CD2AP: variants seen among roughly 807,000 people sequenced by gnomAD.
CD2AP encodes the protein CD2-associated protein.
In CD2AP, 46 loss-of-function variants were observed where a neutral mutation model predicts 85.1. That is an observed-to-expected ratio of 0.54 (90% CI 0.43 to 0.69). CD2AP has a LOEUF of 0.69. Among genes scored for constraint, CD2AP ranks in the 30% least tolerant of loss-of-function variants. The pLI is 0.00. For missense variants in CD2AP, 769 were observed against 729.5 expected, an observed-to-expected ratio of 1.05 and a Z score of -0.62; for synonymous variants, 255 against 252.9, an observed-to-expected ratio of 1.01 and a Z score of -0.08.
intron 1 of CD2AP, among the ~76,000 whole-genome samples, chr6:47,501,400 G>A (rs12523687): frequency 0.077 from 11,701 of 152,182 alleles, 464 homozygotes; most frequent in South Asian, 0.13. Flanking sequence ...TTTAAACAAG[G>A]TTTTTCAGCT....
At chr6:47,594,627 T>C (rs1768891084) in intron 11 of CD2AP, among the ~76,000 whole-genome samples, 2 of 152,042 alleles carry the variant, frequency 1.3e-5, no homozygotes, top group Admixed American at 6.6e-5. Context: ...TATTTCGTTA[T>C]TGATTTCAAT....
chr6:47,526,866 G>C (rs1766742691), intron 2 of CD2AP, among the ~76,000 whole-genome samples: 1 of 152,086 alleles, frequency 6.6e-6, no homozygotes, highest in Non-Finnish European at 1.5e-5. Context: ...AGTACTCTTT[G>C]GCATGTTGAG....
Position 47,478,259 on chromosome 6 carries a change from C to T in CD2AP, c.4+11C>T, listed in dbSNP as rs751438191. On this transcript the variant is annotated intron_variant, in intron 1 of 17. Transcript: ENST00000359314. Reference sequence around the variant, plus strand: ...GAGCCCCCAGCATGGGTAAGAGACTCGGGCGCTTCCCGCCGCCCGTCCGGA... The same window carrying T: ...GAGCCCCCAGCATGGGTAAGAGACTTGGGCGCTTCCCGCCGCCCGTCCGGA... 4.5e-6 allele frequency: 7 copies of T among 1,570,004 alleles called. No individual in the cohort carries two copies. The highest frequency in any genetic ancestry group is 2.4e-5 in the East Asian group (1 of 42,486).
chr6:47,479,830 T>G (rs1278883186), intron 1 of CD2AP, among the ~76,000 whole-genome samples: 1 of 152,182 alleles, frequency 6.6e-6, no homozygotes, highest in Non-Finnish European at 1.5e-5. Flanking sequence ...CTTTTTTTTT[T>G]TGCTTTGCTT....
chr6:47,583,476 A>C (rs1186505281), intron 11 of CD2AP, among the ~76,000 whole-genome samples: 1 of 152,000 alleles, frequency 6.6e-6, no homozygotes, highest in Non-Finnish European at 1.5e-5. Context: ...ATGACTCCAT[A>C]GTTTTGCCTT....
rs9369715 is a variant in CD2AP, at chr6:47,573,761, T to G, written c.542-303T>G. On this transcript the variant is annotated intron_variant, in intron 5 of 17. Transcript: ENST00000359314. ...GTCTCAGCCTCCCAGAGTGCTGGGATTACAGACGTGAGCCACCACAACATG... is the reference window on the plus strand; with the variant it reads ...GTCTCAGCCTCCCAGAGTGCTGGGAGTACAGACGTGAGCCACCACAACATG... Among the ~76,000 whole-genome samples the G allele has an allele frequency of 0.6, 91,676 of 151,800 alleles. 28,511 individuals are homozygous for G. The highest frequency in any genetic ancestry group is 0.74 in the Middle Eastern group (216 of 290).
At chr6:47,505,586 C>G (rs1470848215) in intron 2 of CD2AP, among the ~76,000 whole-genome samples, 1 of 141,744 alleles carries the variant, frequency 7.1e-6, no homozygotes. Flanking sequence ...AGGCGCCCCT[C>G]ACCTCCCGGA....
intron 2 of CD2AP, among the ~76,000 whole-genome samples, chr6:47,514,395 A>G (rs747102783): frequency 2.0e-5 from 3 of 152,218 alleles, no homozygotes; most frequent in Non-Finnish European, 4.4e-5. Context: ...CTTAGCAGAT[A>G]TTACTACATT....
At chr6:47,509,109 A>AT (rs2113990187) in intron 2 of CD2AP, among the ~76,000 whole-genome samples, 1 of 152,208 alleles carries the variant, frequency 6.6e-6, no homozygotes, top group East Asian at 1.9e-4. Flanking sequence ...AATTAGTCTG[A>AT]TTTCAGTATC....
chr6:47,482,463 C>T (rs534911158), intron 1 of CD2AP, among the ~76,000 whole-genome samples: 2 of 151,050 alleles, frequency 1.3e-5, no homozygotes, highest in African/African-American at 4.9e-5. Flanking sequence ...ACTGCAACCT[C>T]CGCCTCCCGG....
intron 2 of CD2AP, among the ~76,000 whole-genome samples, chr6:47,505,614 CG>C (rs1162276194): frequency 0.15 from 6,711 of 45,732 alleles, 144 homozygotes; most frequent in Middle Eastern, 0.19. Context: ...GCTGGCCGGG[CG>C]GGGGGGGCTG....
intron 1 of CD2AP, among the ~76,000 whole-genome samples, chr6:47,486,674 T>C (rs893251258): frequency 9.2e-5 from 14 of 152,206 alleles, no homozygotes; most frequent in Non-Finnish European, 1.5e-4. Context: ...TACTTTTACC[T>C]GAAATATTAA....
intron 5 of CD2AP, among the ~76,000 whole-genome samples, chr6:47,569,759 A>G (rs1175943741): frequency 1.3e-5 from 2 of 152,136 alleles, no homozygotes; most frequent in Non-Finnish European, 2.9e-5. Context: ...CAAAGATAGT[A>G]GATAGAAATT....
intron 1 of CD2AP, among the ~76,000 whole-genome samples, 165 bp from the exon 2 acceptor site, chr6:47,503,115 G>A (rs917636985): frequency 1.7e-4 from 26 of 152,176 alleles, no homozygotes; most frequent in Non-Finnish European, 3.1e-4. Context: ...CAAGAAATTT[G>A]CTGATGTAGC....
At chr6:47,524,613 T>TC (rs923550375) in intron 2 of CD2AP, among the ~76,000 whole-genome samples, 25 of 133,082 alleles carry the variant, frequency 1.9e-4, no homozygotes, top group Non-Finnish European at 4.4e-4. Context: ...CTTAAGTGTT[T>TC]TTTTTTCCAC....
At chr6:47,600,961 T>C (rs1170648446) in intron 13 of CD2AP, among the ~76,000 whole-genome samples, 1 of 151,864 alleles carries the variant, frequency 6.6e-6, no homozygotes, top group African/African-American at 2.4e-5. Context: ...CCTTTGGGAA[T>C]TGAAGGAGTA....
intron 5 of CD2AP, among the ~76,000 whole-genome samples, chr6:47,563,864 T>C (rs1767925280): frequency 6.6e-6 from 1 of 152,158 alleles, no homozygotes; most frequent in Non-Finnish European, 1.5e-5. Flanking sequence ...CTTGTAAAAA[T>C]TCTAAATTTT....
At chr6:47,602,609 G>C (rs1360169499) in intron 13 of CD2AP, among the ~76,000 whole-genome samples, 1 of 151,540 alleles carries the variant, frequency 6.6e-6, no homozygotes, top group African/African-American at 2.4e-5. Context: ...TTTCATGCCT[G>C]TGATCACAGC....
At chr6:47,596,209 A>G (rs1768942565) in intron 12 of CD2AP, among the ~76,000 whole-genome samples, 183 bp downstream of exon 12, 1 of 152,148 alleles carries the variant, frequency 6.6e-6, no homozygotes, top group Non-Finnish European at 1.5e-5. Context: ...AAGCGTATAT[A>G]TAATTCATTG....
Sources: allele counts gnomAD v4.1 joint callset (sites outside exome capture counted in the v4.1 genomes callset), GRCh38; gene constraint gnomAD v4.1.1; transcripts MANE v1.5; gene names NCBI Gene and HGNC (gene_info 2026-07-23, HGNC 2026-07-21).